Variants in ALPK1 observed in about 807,000 individuals in gnomAD.
The protein encoded by ALPK1 is alpha kinase 1.
Under a neutral mutation model 120.6 loss-of-function variants are expected in ALPK1, and 110 were observed. The ratio of observed to expected loss-of-function variants is 0.91; its 90% CI spans 0.78 to 1.07. ALPK1 has a LOEUF of 1.07. Among genes scored for constraint, ALPK1 ranks in the 50% least tolerant of loss-of-function variants. ALPK1 has a pLI of 0.00. For missense variants in ALPK1, 1,498 were observed against 1,483.9 expected, an observed-to-expected ratio of 1.01 and a Z score of -0.16; for synonymous variants, 582 against 560.3, an observed-to-expected ratio of 1.04 and a Z score of -0.55.
At chr4:112,344,637 T>A (rs964128827) in intron 2 of ALPK1, among the ~76,000 whole-genome samples, 3 of 152,208 alleles carry the variant, frequency 2.0e-5, no homozygotes, top group Non-Finnish European at 1.5e-5. Flanking sequence ...GGAAGGCAAA[T>A]GGTTTTAAAA....
chr4:112,355,915 G>A (rs1197397328), intron 2 of ALPK1, among the ~76,000 whole-genome samples: 2 of 152,240 alleles, frequency 1.3e-5, no homozygotes, highest in Admixed American at 6.5e-5. Flanking sequence ...GTCGGTTGAG[G>A]TCCTGAGGTC....
At chr4:112,317,432 G>C (rs1231811894) in intron 2 of ALPK1, among the ~76,000 whole-genome samples, 1 of 152,136 alleles carries the variant, frequency 6.6e-6, no homozygotes, top group Non-Finnish European at 1.5e-5. Flanking sequence ...TGTAAAGTAA[G>C]GGTCTCACTT....
intron 2 of ALPK1, among the ~76,000 whole-genome samples, chr4:112,329,974 A>G (rs1233728537): frequency 6.6e-6 from 1 of 152,262 alleles, no homozygotes; most frequent in Non-Finnish European, 1.5e-5. Flanking sequence ...TATTTACTTA[A>G]GTACATATGA....
At chr4:112,312,917 C>A (rs1007369054) in intron 1 of ALPK1, among the ~76,000 whole-genome samples, 1 of 152,210 alleles carries the variant, frequency 6.6e-6, no homozygotes, top group Non-Finnish European at 1.5e-5. Context: ...TTCCTTCCAG[C>A]CAAGTTCCTT....
At chr4:112,400,387 C>G (rs1410900575) in intron 4 of ALPK1, among the ~76,000 whole-genome samples, 2 of 152,168 alleles carry the variant, frequency 1.3e-5, no homozygotes, top group Non-Finnish European at 2.9e-5. Flanking sequence ...ACCATCTCTT[C>G]TCATTGACTC....
chr4:112,437,568 T>C (rs1020875053), intron 12 of ALPK1, among the ~76,000 whole-genome samples: 3 of 152,174 alleles, frequency 2.0e-5, no homozygotes, highest in Admixed American at 2.0e-4. Flanking sequence ...GGTCTTGCGG[T>C]CTCTCCATAG....
chr4:112,398,625 G>A (rs1319158423), intron 4 of ALPK1, among the ~76,000 whole-genome samples: 2 of 152,082 alleles, frequency 1.3e-5, no homozygotes, highest in African/African-American at 4.8e-5. Context: ...TAAATGTGAT[G>A]AGAAGCCGTG....
intron 4 of ALPK1, among the ~76,000 whole-genome samples, chr4:112,402,227 C>T (rs1244144324): frequency 6.6e-6 from 1 of 152,210 alleles, no homozygotes; most frequent in Non-Finnish European, 1.5e-5. Context: ...ACTGCTCCTG[C>T]CAATTGCAGT....
intron 4 of ALPK1, among the ~76,000 whole-genome samples, chr4:112,406,871 T>C (rs187057046): frequency 1.0e-3 from 158 of 152,344 alleles, no homozygotes; most frequent in Non-Finnish European, 1.6e-3. Flanking sequence ...TAGTCTATTA[T>C]CATTAGTCAT....
intron 11 of ALPK1, among the ~76,000 whole-genome samples, chr4:112,434,140 T>A (rs186613114): frequency 1.3e-5 from 2 of 152,368 alleles, no homozygotes; most frequent in East Asian, 3.8e-4. Flanking sequence ...TGCTTTCTTC[T>A]TATTTGTTAT....
At chr4:112,400,572 C>T (rs1269998891) in intron 4 of ALPK1, among the ~76,000 whole-genome samples, 1 of 152,054 alleles carries the variant, frequency 6.6e-6, no homozygotes. Context: ...TGTTTTTTTC[C>T]AGCCATTTTC....
chr4:112,324,524 A>T (rs1381158731), intron 2 of ALPK1, among the ~76,000 whole-genome samples: 1 of 151,960 alleles, frequency 6.6e-6, no homozygotes, highest in Non-Finnish European at 1.5e-5. Context: ...ATTGTCCTGG[A>T]TGGAGTGCAG....
intron 2 of ALPK1, among the ~76,000 whole-genome samples, chr4:112,366,117 T>C (rs568179071): frequency 2.6e-4 from 40 of 152,176 alleles, no homozygotes; most frequent in African/African-American, 9.6e-4. Flanking sequence ...GAAGATAACA[T>C]TGGAAAAATC....
At chr4:112,310,160 A>G (rs992802542) in intron 1 of ALPK1, among the ~76,000 whole-genome samples, 1 of 152,096 alleles carries the variant, frequency 6.6e-6, no homozygotes, top group African/African-American at 2.4e-5. Context: ...TTTGAATGAG[A>G]CTTACCACTG....
At chr4:112,433,167 A>G (rs1194197618) in intron 11 of ALPK1, among the ~76,000 whole-genome samples, 1 of 152,220 alleles carries the variant, frequency 6.6e-6, no homozygotes, top group Non-Finnish European at 1.5e-5. Flanking sequence ...GGTCAAGTGC[A>G]TCCTCATCTT....
intron 2 of ALPK1, among the ~76,000 whole-genome samples, chr4:112,324,828 C>T (rs1037989420): frequency 6.6e-6 from 1 of 152,052 alleles, no homozygotes; most frequent in Non-Finnish European, 1.5e-5. Flanking sequence ...ATGCCCAGAG[C>T]TTGTGGTAGA....
chr4:112,399,361 A>G (rs556938055), intron 4 of ALPK1, among the ~76,000 whole-genome samples: 1 of 152,340 alleles, frequency 6.6e-6, no homozygotes, highest in African/African-American at 2.4e-5. Flanking sequence ...AGTTTGAATA[A>G]TATGAGAATA....
At chr4:112,355,623 G>A (rs1730567623) in intron 2 of ALPK1, among the ~76,000 whole-genome samples, 1 of 152,218 alleles carries the variant, frequency 6.6e-6, no homozygotes, top group East Asian at 1.9e-4. Context: ...TGACATCAAA[G>A]GAGGAGACGG....
intron 2 of ALPK1, among the ~76,000 whole-genome samples, chr4:112,325,110 C>A (rs1480627010): frequency 6.6e-6 from 1 of 152,054 alleles, no homozygotes; most frequent in Admixed American, 6.6e-5. Context: ...AATATCTAAG[C>A]ACATTACTTC....
Sources: allele counts gnomAD v4.1 joint callset (sites outside exome capture counted in the v4.1 genomes callset), GRCh38; gene constraint gnomAD v4.1.1; transcripts MANE v1.5; gene names NCBI Gene and HGNC (gene_info 2026-07-23, HGNC 2026-07-21).